Variants in FRMPD4 observed in about 807,000 individuals in gnomAD.
The protein encoded by FRMPD4 is FERM and PDZ domain containing 4, also known as FERM and PDZ domain-containing protein 4.
Under a neutral mutation model 94.1 loss-of-function variants are expected in FRMPD4, and 22 were observed. The observed-to-expected ratio is 0.23, with a 90% CI of 0.17 to 0.33. FRMPD4 has a LOEUF of 0.33. FRMPD4 is among the 10% of genes least tolerant of loss of function. FRMPD4 has a pLI of 1.00. For synonymous variants in FRMPD4, 631 were observed against 548.6 expected (o/e 1.15, Z -2.10); for missense variants, 1,111 against 1,339.9 (o/e 0.83, Z 2.67).
intron 3 of FRMPD4, among the ~76,000 whole-genome samples, chrX:11,916,594 A>G (rs1182914179): frequency 9.0e-6 from 1 of 110,752 alleles, no homozygotes; most frequent in Non-Finnish European, 1.9e-5. Flanking sequence ...AGGGTTGGGT[A>G]TCTCACCTCC....
At chrX:12,570,137 G>A (rs1381958338) in intron 2 of FRMPD4, among the ~76,000 whole-genome samples, 1 of 111,329 alleles carries the variant, frequency 9.0e-6, no homozygotes, top group Non-Finnish European at 1.9e-5. Context: ...CAGTTGCTGG[G>A]AGGTGAAGCA....
chrX:11,919,631 A>G (rs780153558), intron 3 of FRMPD4, among the ~76,000 whole-genome samples: 4 of 111,676 alleles, frequency 3.6e-5, no homozygotes, highest in Non-Finnish European at 7.5e-5. Context: ...ACTGGTGATA[A>G]GTTTTTGGGA....
intron 3 of FRMPD4, among the ~76,000 whole-genome samples, chrX:11,900,066 G>A (rs2053925948): frequency 8.9e-6 from 1 of 111,955 alleles, no homozygotes; most frequent in African/African-American, 3.3e-5. Flanking sequence ...TTGGATTGGT[G>A]GAGTTATCCG....
At chrX:12,102,990 G>A (rs1312923080) in intron 3 of FRMPD4, among the ~76,000 whole-genome samples, 1 of 111,196 alleles carries the variant, frequency 9.0e-6, no homozygotes, top group African/African-American at 3.3e-5. Flanking sequence ...CTTGTCTTTT[G>A]TCATATCAGG....
At chrX:12,714,551 C>G (rs762282674) in intron 14 of FRMPD4, among the ~76,000 whole-genome samples, 1 of 112,145 alleles carries the variant, frequency 8.9e-6, no homozygotes, top group East Asian at 2.8e-4. Flanking sequence ...AACTCATACA[C>G]CCATCTGTTT....
In FRMPD4 at chrX:12,264,055, G is replaced by T. The variant is rs1337697858; in HGVS notation, c.41+125043G>T. 3.6e-5 allele frequency among the ~76,000 whole-genome samples: 4 copies of T among 111,187 alleles called. No individual in the cohort carries two copies. The Admixed American group carries it at 3.8e-4, about 11-fold the overall frequency. ...GATTAAGTTGCCAACACGTGCTTTT[G>T]GGGGGGACACATTCAAGCCATAGTA... On this transcript the variant is annotated intron_variant, in intron 1 of 16. Transcript: ENST00000675598.
intron 3 of FRMPD4, among the ~76,000 whole-genome samples, chrX:12,053,424 AAGAAAGAGAAAGAAAGAAG>A (rs1236217350): frequency 5.2e-5 from 5 of 96,064 alleles, no homozygotes; most frequent in Admixed American, 1.2e-4. Context: ...GAAAGAAAGA[AAGAAAGAGAAAGAAAGAAG>A]AGAAGAGAAG....
chrX:12,687,489 A>G (rs2060037417), intron 7 of FRMPD4, among the ~76,000 whole-genome samples: 1 of 111,797 alleles, frequency 8.9e-6, no homozygotes, highest in South Asian at 3.8e-4. Context: ...CTCTGTTTCA[A>G]CTACTGAACT....
intron 3 of FRMPD4, among the ~76,000 whole-genome samples, chrX:11,925,402 T>C (rs2054081323): frequency 1.8e-5 from 2 of 111,622 alleles, no homozygotes; most frequent in Middle Eastern, 4.7e-3. Flanking sequence ...CGGGATCAAA[T>C]GGACCTGATA....
intron 3 of FRMPD4, among the ~76,000 whole-genome samples, chrX:11,883,141 G>A (rs1181460925): frequency 1.8e-5 from 2 of 112,118 alleles, no homozygotes; most frequent in African/African-American, 6.5e-5. Flanking sequence ...GCTGAGCTTT[G>A]GCAAATTTTT....
intron 3 of FRMPD4, among the ~76,000 whole-genome samples, chrX:11,980,498 C>T (rs2054391695): frequency 9.0e-6 from 1 of 110,836 alleles, no homozygotes; most frequent in African/African-American, 3.3e-5. Context: ...TGATATTTTC[C>T]CCTCTAACTT....
intron 3 of FRMPD4, among the ~76,000 whole-genome samples, chrX:12,092,053 A>T (rs1056136991): frequency 2.7e-5 from 3 of 111,771 alleles, no homozygotes; most frequent in South Asian, 7.4e-4. Flanking sequence ...ATCCCATTTT[A>T]TTCAAAAATA....
chrX:12,427,546 G>A (rs1168457922), intron 1 of FRMPD4, among the ~76,000 whole-genome samples: 1 of 111,777 alleles, frequency 8.9e-6, no homozygotes, highest in Non-Finnish European at 1.9e-5. Context: ...TGAGGGGGAA[G>A]ACACAATGGA....
chrX:12,144,821 C>T (rs1259620311), intron 1 of FRMPD4, among the ~76,000 whole-genome samples: 1 of 107,387 alleles, frequency 9.3e-6, no homozygotes, highest in African/African-American at 3.4e-5. Context: ...GTTAAAAAGT[C>T]ATCAACTTGT....
In FRMPD4 at chrX:12,138,714, C is replaced by T; in HGVS notation, c.-258C>T. ...CCCGCCTCTTGCGCCCTGCCTGGCT[C>T]CCTCTCCATTGAGTTTTCCTGCCTC... On this transcript the variant is annotated 5_prime_UTR_variant, in exon 1 of 17. Transcript: ENST00000675598. 1 of 305,180 alleles carries T rather than the reference C, an allele frequency of 3.3e-6. No individual in the cohort carries two copies. Among genetic ancestry groups the T allele is most frequent in the East Asian group, 4.8e-5 (1 of 21,038 alleles). 25.2% of individuals were successfully genotyped at this position (305,180 alleles called of 1,213,427 possible).
At chrX:12,655,999 G>T (rs1014237602) in intron 4 of FRMPD4, among the ~76,000 whole-genome samples, 1 of 112,039 alleles carries the variant, frequency 8.9e-6, no homozygotes, top group African/African-American at 3.2e-5. Context: ...TTACATTACT[G>T]TAAGACATTC....
chrX:12,592,345 A>G (rs2058990594), intron 2 of FRMPD4, among the ~76,000 whole-genome samples: 1 of 111,929 alleles, frequency 8.9e-6, no homozygotes, highest in South Asian at 3.8e-4. Context: ...TGTTGATTAA[A>G]TACATTTATG....
At chrX:12,380,684 G>A (rs1209899284) in intron 1 of FRMPD4, among the ~76,000 whole-genome samples, 1 of 112,337 alleles carries the variant, frequency 8.9e-6, no homozygotes, top group Non-Finnish European at 1.9e-5. Flanking sequence ...AAACAGCTGG[G>A]AAGAGTTCTG....
At chrX:12,242,220 A>G (rs1201222348) in intron 1 of FRMPD4, among the ~76,000 whole-genome samples, 1 of 111,649 alleles carries the variant, frequency 9.0e-6, no homozygotes, top group East Asian at 2.8e-4. Context: ...TAACCAATCC[A>G]CTGTTCTCCA....
Sources: allele counts gnomAD v4.1 joint callset (sites outside exome capture counted in the v4.1 genomes callset), GRCh38; gene constraint gnomAD v4.1.1; transcripts MANE v1.5; gene names NCBI Gene and HGNC (gene_info 2026-07-23, HGNC 2026-07-21).